AHNAK2: variants seen among roughly 807,000 people sequenced by gnomAD.
The protein encoded by AHNAK2 is AHNAK nucleoprotein 2.
In AHNAK2, 18 loss-of-function variants were observed where a neutral mutation model predicts 30.7. The ratio of observed to expected loss-of-function variants is 0.59; its 90% confidence interval spans 0.41 to 0.87. The LOEUF (loss-of-function observed/expected upper bound fraction) is 0.87, where lower values mean the gene tolerates loss of function less well. Ranked by LOEUF, AHNAK2 falls within the 40% of genes least tolerant of loss-of-function variation. The pLI, the probability that AHNAK2 is intolerant of heterozygous loss-of-function variation, is 0.00. For synonymous variants in AHNAK2, 3,590 were observed against 3,073.8 expected (o/e 1.17, Z -5.56); for missense variants, 8,604 against 7,373.0 (o/e 1.17, Z -6.11).
chr14:104,957,708 G>A (rs749767432), intron 1 of AHNAK2, 36 bp from the exon 2 acceptor site: 2 of 1,595,410 alleles, frequency 1.3e-6, no homozygotes, highest in Non-Finnish European at 1.7e-6. Flanking sequence ...AGACAAGCAG[G>A]CTGGGGGAGC....
Position 104,944,172 on chromosome 14 carries a change from G to C in AHNAK2, c.11279C>G (p.Pro3760Arg). The change falls in exon 7 of 7, where the codon CCT becomes CGT. Residue 3760 changes from proline to arginine, a missense_variant. Pro to Arg is a moderately radical substitution (Grantham distance 103, BLOSUM62 -2). Coordinates refer to ENST00000333244, the MANE Select transcript of AHNAK2 (RefSeq NM_138420.4). Reference sequence around the variant, plus strand: ...GCTGGGCAGAGACACCTCCACATCAGGGGCTGTGACTTCCGCCTTGGAGAC... The same window carrying C: ...GCTGGGCAGAGACACCTCCACATCACGGGCTGTGACTTCCGCCTTGGAGAC... ...LKVSKAEVTA[P>R]DVEVSLPSVE... is the part of the protein sequence containing the mutation. 6.2e-7 allele frequency: 1 copy of C among 1,613,342 alleles called. No homozygotes were observed.
At position 104,952,433 on chromosome 14, in the gene AHNAK2, C is replaced by G; in HGVS notation, c.3018G>C (p.Pro1006=). The G allele has an allele frequency of 4.4e-6, 7 of 1,608,798 alleles. No homozygotes were observed. Among genetic ancestry groups the G allele is most frequent in the Middle Eastern group, 1.7e-4 (1 of 6,032 alleles). The part of the protein sequence containing the change: ...SKFKMPKFKM[P]SFGVSAPGKS... ...TCCCTGGGGCCGATACCCCGAACGA[C>G]GGCATCTTGAACTTGGGCATTTTGA... The change falls in exon 7 of 7, where the codon CCG becomes CCC. Residue 1006 remains proline (P), a synonymous_variant. Transcript: ENST00000333244.
At position 104,946,748 on chromosome 14, in the gene AHNAK2, C is replaced by T. The variant is rs1476762704; in HGVS notation, c.8703G>A (p.Met2901Ile). The T allele has an allele frequency of 3.1e-6, 5 of 1,612,842 alleles. No homozygotes were observed. The African/African-American group carries it at 5.4e-5, about 17-fold the overall frequency. ...CCACTTTGGGCATCTTGAAACTGGG[C>T]ATCTGCACCTTGGGCAGGTGCCCTT... ...GLKGHLPKVQ[M>I]PSFKMPKVDL... Residue 2901 changes from methionine to isoleucine, a missense_variant, in exon 7 of 7, where the codon ATG (methionine) becomes ATA (isoleucine). Transcript: ENST00000333244.
In AHNAK2 at chr14:104,950,128, C is replaced by T. The variant is rs1276589115; in HGVS notation, c.5323G>A (p.Ala1775Thr). 3.2e-6 allele frequency: 5 copies of T among 1,586,844 alleles called. No individual in the cohort carries two copies. The highest frequency in any genetic ancestry group is 2.3e-5 in the East Asian group (1 of 44,444). ...TCCACGTCGGGGGCCATCACCTCCG[C>T]CTTGGGGCCTTTCAGGTCCAGCTTG... ...GPKLDLKGPK[A>T]EVMAPDVEVS... Residue 1775 changes from alanine (A) to threonine (T), a missense_variant, in exon 7 of 7, where the codon GCG becomes ACG. Physicochemically the swap from Ala to Thr is moderately conservative, Grantham distance 58. Coordinates refer to ENST00000333244, the MANE Select transcript of AHNAK2 (RefSeq NM_138420.4).
intron 1 of AHNAK2, among the ~76,000 whole-genome samples, chr14:104,974,033 TCTGA>T (rs1277290543): frequency 6.6e-6 from 1 of 152,182 alleles, no homozygotes; most frequent in Non-Finnish European, 1.5e-5. Flanking sequence ...AGAAAGTGCT[TCTGA>T]CTATTAAATA....
rs201703126 is a variant in AHNAK2, at chr14:104,953,293, T to G, written c.2158A>C (p.Thr720Pro). The change falls in exon 7 of 7, where the codon ACC becomes CCC. Residue 720 changes from threonine (T) to proline (P), a missense_variant. Coordinates refer to ENST00000333244, the MANE Select transcript of AHNAK2 (RefSeq NM_138420.4). ...SLLSMQGDLK[T>P]TDLSVQTPSA... ...GGGGTCTGGACGCTGAGGTCAGTGG[T>G]CTTGAGGTCCCCCTGCATGGAGAGG... The G allele has an allele frequency of 1.2e-6, 2 of 1,609,442 alleles. No homozygotes were observed. The highest frequency in any genetic ancestry group is 3.4e-5 in the Admixed American group (2 of 59,632).
chr14:104,943,529 C>G lies in AHNAK2; in HGVS notation c.11922G>C (p.Lys3974Asn), dbSNP rs948075639. The change falls in exon 7 of 7, where the codon AAG becomes AAC. Residue 3974 changes from lysine to asparagine, a missense_variant. Transcript: ENST00000333244. ...KDSKFKMPKF[K>N]MPSFGVSAPG... is the part of the protein sequence containing the mutation. ...GGGCAGACACCCCGAACGACGGCATCTTGAACTTGGGCATTTTGAACTTGC... is the reference window on the plus strand; with the variant it reads ...GGGCAGACACCCCGAACGACGGCATGTTGAACTTGGGCATTTTGAACTTGC... 3 of 1,613,170 alleles carry G rather than the reference C, an allele frequency of 1.9e-6. No individual in the cohort carries two copies. The highest frequency in any genetic ancestry group is 2.5e-6 in the Non-Finnish European group (3 of 1,179,596).
At chr14:104,968,365 G>A (rs749481212) in intron 1 of AHNAK2, among the ~76,000 whole-genome samples, 3 of 152,152 alleles carry the variant, frequency 2.0e-5, no homozygotes, top group Non-Finnish European at 2.9e-5. Flanking sequence ...GGGGCCTCAG[G>A]CAGTGTGTCT....
intron 5 of AHNAK2, 166 bp from the exon 6 acceptor site, chr14:104,955,307 G>T: frequency 7.8e-7 from 1 of 1,274,432 alleles, no homozygotes; most frequent in Non-Finnish European, 1.1e-6. Context: ...CAAGGTGGAT[G>T]GGGTCCCCCA....
At chr14:104,976,785 A>G (rs1017926869) in intron 1 of AHNAK2, among the ~76,000 whole-genome samples, 4 of 139,380 alleles carry the variant, frequency 2.9e-5, no homozygotes, top group African/African-American at 9.7e-5. Flanking sequence ...GTGAGGAGGA[A>G]GCAGAGCAGA....
Position 104,950,443 on chromosome 14 carries a change from C to G in AHNAK2, c.5008G>C (p.Val1670Leu). Residue 1670 changes from valine to leucine, a missense_variant, in exon 7 of 7, where the codon GTG (valine) becomes CTG (leucine). Coordinates refer to ENST00000333244, the MANE Select transcript of AHNAK2 (RefSeq NM_138420.4). ...TCGATGGACTTGCCTGGGGCCGACACCCCAAATGATGGCATCTTGAACTTG... is the reference window on the plus strand; with the variant it reads ...TCGATGGACTTGCCTGGGGCCGACAGCCCAAATGATGGCATCTTGAACTTG... Reference protein sequence around the residue: ...MPKFKMPSFGVSAPGKSIEAS... With the variant: ...MPKFKMPSFGLSAPGKSIEAS... 6.3e-7 allele frequency: 1 copy of G among 1,586,674 alleles called. No individual in the cohort carries two copies. The highest frequency in any genetic ancestry group is 8.6e-7 in the Non-Finnish European group (1 of 1,162,958).
Position 104,944,498 on chromosome 14 carries a change from C to T in AHNAK2, c.10953G>A (p.Ser3651=), listed in dbSNP as rs773164554. 1.3e-5 allele frequency: 21 copies of T among 1,611,894 alleles called. No individual in the cohort carries two copies. Among genetic ancestry groups the T allele is most frequent in the Non-Finnish European group, 1.6e-5 (19 of 1,179,272 alleles). Residue 3651 remains serine, a synonymous_variant, in exon 7 of 7, where the codon TCG becomes TCA. Transcript: ENST00000333244. ...PKFKMPSFRV[S]APGKSMEASV... Reference sequence around the variant, plus strand: ...AGGCCTCCATGGACTTCCCTGGGGCCGATACCCTGAATGACGGCATCTTGA... The same window carrying T: ...AGGCCTCCATGGACTTCCCTGGGGCTGATACCCTGAATGACGGCATCTTGA...
Position 104,966,310 on chromosome 14 carries a change from C to T in AHNAK2, c.56-8638G>A, listed in dbSNP as rs970745039. 2.6e-5 allele frequency among the ~76,000 whole-genome samples: 4 copies of T among 152,112 alleles called. No individual in the cohort carries two copies. The highest frequency in any genetic ancestry group is 5.9e-5 in the Non-Finnish European group (4 of 68,018). On this transcript the variant is annotated intron_variant, in intron 1 of 6. Transcript: ENST00000333244. The surrounding 1 kb of genome is among the most constrained non-coding windows in gnomAD (Gnocchi z 4.3). Reference sequence around the variant, plus strand: ...CAGCAGAGCCACAACCTCCGTTTCCCCCACCTGCCAAACCAGCCTTGCCCA... The same window carrying T: ...CAGCAGAGCCACAACCTCCGTTTCCTCCACCTGCCAAACCAGCCTTGCCCA...
Position 104,940,378 on chromosome 14 carries a change from T to G in AHNAK2, c.15073A>C (p.Lys5025Gln). The change falls in exon 7 of 7, where the codon AAA becomes CAA. Residue 5025 changes from lysine to glutamine, a missense_variant. Lys to Gln is a moderately conservative substitution (Grantham distance 53). Transcript: ENST00000333244. The surrounding 1 kb of genome is among the most constrained non-coding windows in gnomAD (Gnocchi z 4.4). ...GCCTTCATTTTGGGAAGTGCAAGTT[T>G]TGGCATGGCAAAGCCAGGCTTTGTG... ...RSTKPGFAMP[K>Q]LALPKMKASK... The G allele has an allele frequency of 6.2e-7, 1 of 1,613,888 alleles. No homozygotes were observed. The highest frequency in any genetic ancestry group is 2.2e-5 in the East Asian group (1 of 44,886).
chr14:104,940,753 C>T lies in AHNAK2; in HGVS notation c.14698G>A (p.Glu4900Lys). ...CTTGGCAAGGGGCACTGCACTCTTTCTCCAGGGCTAAGAGGAGACATGACT... is the reference window on the plus strand; with the variant it reads ...CTTGGCAAGGGGCACTGCACTCTTTTTCCAGGGCTAAGAGGAGACATGACT... The part of the protein sequence containing the change: ...APVMSPLSPG[E>K]RVQCPLPSTQ... Residue 4900 changes from glutamate (E) to lysine (K), a missense_variant, in exon 7 of 7, where the codon GAA becomes AAA. Coordinates refer to ENST00000333244, the MANE Select transcript of AHNAK2 (RefSeq NM_138420.4). This position sits in a 1 kb window ranked among gnomAD's most constrained non-coding sequence, Gnocchi z 4.4. 2 of 1,612,940 alleles carry T rather than the reference C, an allele frequency of 1.2e-6. No individual in the cohort carries two copies. Among genetic ancestry groups the T allele is most frequent in the Non-Finnish European group, 1.7e-6 (2 of 1,179,866 alleles).
At chr14:104,972,613 C>T (rs1008644247) in intron 1 of AHNAK2, among the ~76,000 whole-genome samples, 2 of 152,260 alleles carry the variant, frequency 1.3e-5, no homozygotes, top group Non-Finnish European at 1.5e-5. Context: ...CTTCCCAGAC[C>T]CTCGCTGCAG....
In AHNAK2 at chr14:104,952,413, G is replaced by T. The variant is rs200332644; in HGVS notation, c.3038C>A (p.Pro1013Gln). The T allele has an allele frequency of 1.9e-6, 3 of 1,612,742 alleles. No homozygotes were observed. The highest frequency in any genetic ancestry group is 3.3e-5 in the Admixed American group (2 of 59,952). ...FKMPSFGVSA[P>Q]GKSIKALVDV... Reference sequence around the variant, plus strand: ...CACCAAGGCCTTGATGGACTTCCCTGGGGCCGATACCCCGAACGACGGCAT... The same window carrying T: ...CACCAAGGCCTTGATGGACTTCCCTTGGGCCGATACCCCGAACGACGGCAT... The change falls in exon 7 of 7, where the codon CCA becomes CAA. Residue 1013 changes from proline to glutamine, a missense_variant. Coordinates refer to ENST00000333244, the MANE Select transcript of AHNAK2 (RefSeq NM_138420.4).
intron 1 of AHNAK2, among the ~76,000 whole-genome samples, chr14:104,958,534 G>T (rs1899045042): frequency 1.3e-5 from 2 of 152,174 alleles, no homozygotes; most frequent in African/African-American, 4.8e-5. Flanking sequence ...ATGGCTCAAT[G>T]AAGAGAGAAT....
Position 104,947,534 on chromosome 14 carries a change from C to T in AHNAK2, c.7917G>A (p.Lys2639=). 1 of 1,612,624 alleles carries T rather than the reference C, an allele frequency of 6.2e-7. No homozygotes were observed. Among genetic ancestry groups the T allele is most frequent in the Non-Finnish European group, 8.5e-7 (1 of 1,179,614 alleles). The change falls in exon 7 of 7, where the codon AAG becomes AAA. Residue 2639 remains lysine, a synonymous_variant. Coordinates refer to ENST00000333244, the MANE Select transcript of AHNAK2 (RefSeq NM_138420.4). Reference sequence around the variant, plus strand: ...ACTTGCTATCTTTGGCTGTCACACCCTTGTCGGCCAGGGACAGGTCCCCCT... The same window carrying T: ...ACTTGCTATCTTTGGCTGTCACACCTTTGTCGGCCAGGGACAGGTCCCCCT... ...RLEGDLSLAD[K]GVTAKDSKFK...
Sources: gnomAD v4.1 joint callset for allele counts (sites outside exome capture counted in the v4.1 genomes callset) on GRCh38, gnomAD v4.1.1 for gene constraint, Gnocchi (gnomAD v3.1) non-coding constraint, MANE v1.5 for transcripts, NCBI Gene and HGNC (gene_info 2026-07-23, HGNC 2026-07-21) for gene names.